The following SYT1 variants were observed in gnomAD, a reference collection of about 807,000 sequenced individuals.
The protein encoded by SYT1 is synaptotagmin 1.
In SYT1, 8 loss-of-function variants were observed where a neutral mutation model predicts 44.8. The ratio of observed to expected loss-of-function variants is 0.18; its 90% CI spans 0.10 to 0.32. The LOEUF is 0.32. Among genes scored for constraint, SYT1 ranks in the 10% least tolerant of loss-of-function variants. SYT1 has a pLI of 1.00. For missense variants in SYT1, 286 were observed against 509.3 expected (o/e 0.56, Z 4.22); for synonymous variants, 154 against 188.8 (o/e 0.82, Z 1.51).
At chr12:78,865,573 G>A (rs1017201414) in intron 1 of SYT1, among the ~76,000 whole-genome samples, 1 of 151,926 alleles carries the variant, frequency 6.6e-6, no homozygotes, top group Non-Finnish European at 1.5e-5. Context: ...ATGGGGGGGG[G>A]GGGGAACGTA....
chr12:79,119,010 C>A (rs1879448007), intron 3 of SYT1, among the ~76,000 whole-genome samples: 1 of 152,280 alleles, frequency 6.6e-6, no homozygotes, highest in Non-Finnish European at 1.5e-5. Flanking sequence ...CTCTATGTTT[C>A]CTGTGGTTGC....
chr12:79,190,936 G>T (rs972757078), intron 3 of SYT1, among the ~76,000 whole-genome samples: 1 of 151,878 alleles, frequency 6.6e-6, no homozygotes, highest in Non-Finnish European at 1.5e-5. Flanking sequence ...CACAAAACAA[G>T]GTTCCTGTTT....
intron 1 of SYT1, among the ~76,000 whole-genome samples, chr12:78,892,640 C>A (rs923507412): frequency 2.0e-5 from 3 of 151,370 alleles, no homozygotes; most frequent in Non-Finnish European, 3.0e-5. Flanking sequence ...TACTGGAGGT[C>A]TGATTTAGAA....
intron 1 of SYT1, chr12:78,926,857 G>T (rs951438674): frequency 2.6e-5 from 4 of 152,082 alleles, no homozygotes; most frequent in Non-Finnish European, 2.9e-5. Context: ...GTTACAAGTT[G>T]CATACATTTA....
At chr12:79,151,938 C>T (rs1373632130) in intron 3 of SYT1, among the ~76,000 whole-genome samples, 1 of 151,972 alleles carries the variant, frequency 6.6e-6, no homozygotes, top group East Asian at 1.9e-4. Flanking sequence ...AGACATGGCC[C>T]AGAAATGTAT....
intron 2 of SYT1, among the ~76,000 whole-genome samples, chr12:78,988,122 T>C (rs1256082594): frequency 6.6e-6 from 1 of 152,018 alleles, no homozygotes; most frequent in Non-Finnish European, 1.5e-5. Flanking sequence ...ATTCACTCAC[T>C]GAACAAATTT....
At chr12:79,107,687 G>A (rs1405231067) in intron 3 of SYT1, among the ~76,000 whole-genome samples, 1 of 151,898 alleles carries the variant, frequency 6.6e-6, no homozygotes, top group Non-Finnish European at 1.5e-5. Context: ...AAAACTGTCA[G>A]ACATTATTCT....
At chr12:78,901,706 A>G (rs935997031) in intron 1 of SYT1, among the ~76,000 whole-genome samples, 24 of 152,222 alleles carry the variant, frequency 1.6e-4, no homozygotes, top group Middle Eastern at 3.4e-3. Flanking sequence ...TCATAGACCA[A>G]TCCAATTCTC....
chr12:78,917,463 G>A (rs1373892264), intron 1 of SYT1, among the ~76,000 whole-genome samples: 1 of 151,982 alleles, frequency 6.6e-6, no homozygotes, highest in Non-Finnish European at 1.5e-5. Flanking sequence ...GCCTGTGGTG[G>A]GGTGAGGGGA....
At chr12:79,100,339 A>C (rs537646765) in intron 3 of SYT1, among the ~76,000 whole-genome samples, 1 of 152,288 alleles carries the variant, frequency 6.6e-6, no homozygotes, top group African/African-American at 2.4e-5. Context: ...ACCTCGTCTT[A>C]ACCACCAGGT....
At chr12:79,245,819 AAC>A (rs1249739259) in intron 4 of SYT1, among the ~76,000 whole-genome samples, 1 of 152,130 alleles carries the variant, frequency 6.6e-6, no homozygotes, top group Non-Finnish European at 1.5e-5. Flanking sequence ...AGAAATGTTT[AAC>A]AGAGTAGTTT....
At chr12:78,868,484 T>C in intron 1 of SYT1, among the ~76,000 whole-genome samples, 1 of 151,820 alleles carries the variant, frequency 6.6e-6, no homozygotes, top group East Asian at 1.9e-4. Context: ...TAGCTGAAAT[T>C]TTTTCACTGA....
intron 3 of SYT1, among the ~76,000 whole-genome samples, chr12:79,087,457 G>A (rs1433735221): frequency 5.9e-5 from 9 of 152,100 alleles, no homozygotes; most frequent in Non-Finnish European, 1.3e-4. Context: ...CACAATTTGT[G>A]TTGCTGTCTC....
At chr12:79,358,914 G>T (rs1444768777) in intron 9 of SYT1, among the ~76,000 whole-genome samples, 2 of 152,168 alleles carry the variant, frequency 1.3e-5, no homozygotes, top group African/African-American at 4.8e-5. Context: ...TAGCTCCAGG[G>T]TGCCCCCTTT....
At chr12:79,290,250 T>C (rs890815554) in intron 5 of SYT1, among the ~76,000 whole-genome samples, 9 of 152,022 alleles carry the variant, frequency 5.9e-5, no homozygotes, top group African/African-American at 2.2e-4. Context: ...CCTGAATGAG[T>C]TCTATTAAAC....
At chr12:79,091,937 T>C (rs2138005916) in intron 3 of SYT1, among the ~76,000 whole-genome samples, 1 of 152,120 alleles carries the variant, frequency 6.6e-6, no homozygotes, top group South Asian at 2.1e-4. Context: ...ATTAATCATA[T>C]AAGCTCATTT....
At chr12:79,275,592 C>A (rs1359984474) in intron 4 of SYT1, among the ~76,000 whole-genome samples, 1 of 152,136 alleles carries the variant, frequency 6.6e-6, no homozygotes, top group East Asian at 1.9e-4. Flanking sequence ...GTGCTGGCCT[C>A]ATAGTGGAGC....
Position 78,876,970 on chromosome 12 carries a change from C to A in SYT1, c.-217+11861C>A, listed in dbSNP as rs1016111870. 4.3e-5 allele frequency among the ~76,000 whole-genome samples: 3 copies of A among 70,154 alleles called. No individual in the cohort carries two copies. The South Asian group carries it at 2.2e-3, about 51-fold the overall frequency. 46.0% of individuals were successfully genotyped at this position (70,154 alleles called of 152,430 possible). A position where few individuals can be genotyped will look rare whatever the true frequency, so the allele number is the denominator to read the frequency against. ...GTGTATTTTGATTTTTTAAATGCAC[C>A]TGGCTCCTCTAGTAAATGCCAGTTT... On this transcript the variant is annotated intron_variant, in intron 1 of 10. Coordinates refer to ENST00000261205, the MANE Select transcript of SYT1 (RefSeq NM_005639.3).
chr12:79,192,096 G>T (rs780257119), intron 3 of SYT1, among the ~76,000 whole-genome samples: 1 of 152,100 alleles, frequency 6.6e-6, no homozygotes, highest in Admixed American at 6.6e-5. Flanking sequence ...GCTTTGGCAA[G>T]AACCTGAAAT....
Sources: allele counts gnomAD v4.1 joint callset (sites outside exome capture counted in the v4.1 genomes callset), GRCh38; gene constraint gnomAD v4.1.1; transcripts MANE v1.5; gene names NCBI Gene and HGNC (gene_info 2026-07-23, HGNC 2026-07-21).